ARHGEF10L: variants seen among roughly 807,000 people sequenced by gnomAD.
The protein encoded by ARHGEF10L is rho guanine nucleotide exchange factor 10-like protein.
A neutral mutation model predicts 141.2 loss-of-function variants in ARHGEF10L; 69 were observed. That is an observed-to-expected ratio of 0.49 (90% CI 0.40 to 0.60). ARHGEF10L has a LOEUF of 0.60. ARHGEF10L is among the 20% of genes least tolerant of loss of function. ARHGEF10L has a pLI of 0.00. For missense variants in ARHGEF10L, 1,482 were observed against 1,734.3 expected, an observed-to-expected ratio of 0.85 and a Z score of 2.58; for synonymous variants, 711 against 718.5, an observed-to-expected ratio of 0.99 and a Z score of 0.17.
At chr1:17,557,617 A>G (rs978685273) in intron 1 of ARHGEF10L, among the ~76,000 whole-genome samples, 5 of 152,184 alleles carry the variant, frequency 3.3e-5, no homozygotes, top group Non-Finnish European at 7.3e-5. Context: ...CGGAATCCCC[A>G]TGTTTGAAAA....
Position 17,656,004 on chromosome 1 carries a change from G to A in ARHGEF10L, c.2607G>A (p.Glu869=), listed in dbSNP as rs1411922477. 6.4e-7 allele frequency: 1 copy of A among 1,572,184 alleles called. No individual in the cohort carries two copies. The highest frequency in any genetic ancestry group is 1.3e-5 in the African/African-American group (1 of 74,272). The change falls in exon 24 of 29, where the codon GAG becomes GAA. Residue 869 remains glutamate, a synonymous_variant. Transcript: ENST00000361221. The surrounding 1 kb of genome is among the most constrained non-coding windows in gnomAD (Gnocchi z 4.9). The part of the protein sequence containing the change: ...APVLCMEYIP[E]LEEEAESRDE... ...TGCTCTGCATGGAGTATATCCCGGA[G>A]CTGGAGGAGGAGGCGGAGAGCAGAG...
intron 8 of ARHGEF10L, 140 bp downstream of exon 8, chr1:17,613,314 C>T (rs1570915878): frequency 1.5e-6 from 1 of 661,674 alleles, no homozygotes; most frequent in Non-Finnish European, 2.7e-6. Context: ...GAGACCTGGA[C>T]CCTGGCCACC....
At chr1:17,686,669 G>A (rs2064628658) in intron 26 of ARHGEF10L, among the ~76,000 whole-genome samples, 1 of 152,214 alleles carries the variant, frequency 6.6e-6, no homozygotes. Flanking sequence ...TTGAGCATTG[G>A]CTGGCCTGAA....
Position 17,637,995 on chromosome 1 carries a change from A to G in ARHGEF10L, c.2035A>G (p.Thr679Ala), listed in dbSNP as rs779328139. ...GCTTCTCATCAGCACGCTGCACGGC[A>G]CCTACCAGGTACGTGGCCTGGCCTG... ...ITLLISTLHG[T>A]YQNLNMTVAQ... Residue 679 changes from threonine (T) to alanine (A), a missense_variant, in exon 19 of 29, where the codon ACC becomes GCC. By Grantham distance (58) the Thr-to-Ala change is moderately conservative. Transcript: ENST00000361221. 10 of 1,585,066 alleles carry G rather than the reference A, an allele frequency of 6.3e-6. No homozygotes were observed.
At chr1:17,533,002 GC>G in the ARHGEF10L span, among the ~76,000 whole-genome samples, 1 of 152,122 alleles carries the variant, frequency 6.6e-6, no homozygotes, top group Non-Finnish European at 1.5e-5. Context: ...ACTCAGGAAT[GC>G]CCCCTTCATC....
chr1:17,663,951 T>C (rs1297738218), intron 25 of ARHGEF10L, among the ~76,000 whole-genome samples: 1 of 152,202 alleles, frequency 6.6e-6, no homozygotes, highest in African/African-American at 2.4e-5. Context: ...GTTCCTTCCA[T>C]CTCAGCAGTT....
chr1:17,690,363 G>T (rs2065009698), intron 27 of ARHGEF10L, among the ~76,000 whole-genome samples: 1 of 152,242 alleles, frequency 6.6e-6, no homozygotes, highest in Non-Finnish European at 1.5e-5. Context: ...CGCAGGGCAG[G>T]TGTAGGTGTT....
At chr1:17,546,103 A>G (rs968232040) in intron 1 of ARHGEF10L, among the ~76,000 whole-genome samples, 1 of 152,150 alleles carries the variant, frequency 6.6e-6, no homozygotes, top group African/African-American at 2.4e-5. Flanking sequence ...AATCTGACAA[A>G]CCTCACCTGT....
At chr1:17,663,349 C>T (rs1442790529) in intron 25 of ARHGEF10L, among the ~76,000 whole-genome samples, 1 of 151,998 alleles carries the variant, frequency 6.6e-6, no homozygotes, top group Non-Finnish European at 1.5e-5. Flanking sequence ...GTCAGGAGTT[C>T]AAGACCAGCC....
intron 26 of ARHGEF10L, 84 bp from the exon 27 acceptor site, chr1:17,687,489 A>G (rs545925510): frequency 9.5e-6 from 14 of 1,481,398 alleles, no homozygotes; most frequent in East Asian, 9.3e-5. Context: ...GAATGTGAGA[A>G]TGGCTGGCCC....
chr1:17,691,698 A>G (rs1381633099), intron 27 of ARHGEF10L, among the ~76,000 whole-genome samples: 2 of 151,664 alleles, frequency 1.3e-5, no homozygotes, highest in Non-Finnish European at 2.9e-5. Context: ...GTGTATATAT[A>G]TTATATGTAT....
intron 27 of ARHGEF10L, 23 bp downstream of exon 27, chr1:17,687,770 G>A: frequency 6.4e-7 from 1 of 1,554,744 alleles, no homozygotes; most frequent in Non-Finnish European, 8.7e-7. Flanking sequence ...CGGGCACGGG[G>A]GAGCGGACAG....
chr1:17,522,900 C>T, the ARHGEF10L span, among the ~76,000 whole-genome samples: 1 of 152,024 alleles, frequency 6.6e-6, no homozygotes, highest in Non-Finnish European at 1.5e-5. Flanking sequence ...TGTCTTCTCC[C>T]TCTCCTAATG....
In ARHGEF10L at chr1:17,687,676, T is replaced by C; in HGVS notation, c.3113T>C (p.Leu1038Pro). The C allele has an allele frequency of 6.2e-7, 1 of 1,612,060 alleles. No homozygotes were observed. Among genetic ancestry groups the C allele is most frequent in the Non-Finnish European group, 8.5e-7 (1 of 1,179,412 alleles). Residue 1038 changes from leucine (L) to proline (P), a missense_variant, in exon 27 of 29, where the codon CTC becomes CCC. Physicochemically the swap from Leu to Pro is moderately conservative, Grantham distance 98 (BLOSUM62 -3). Transcript: ENST00000361221. ...TTCTCCTCCGGCACCTCCATCCGCC[T>C]CTTCCACACTGAGACCCTGGAGCAT... ...MAFSSGTSIR[L>P]FHTETLEHLQ...
intron 26 of ARHGEF10L, among the ~76,000 whole-genome samples, chr1:17,684,889 C>T (rs1451340866): frequency 6.6e-6 from 1 of 152,182 alleles, no homozygotes; most frequent in Admixed American, 6.5e-5. Flanking sequence ...GCCTCCCTTG[C>T]TACTCGCAGC....
At chr1:17,527,937 T>C in the ARHGEF10L span, among the ~76,000 whole-genome samples, 142,987 of 149,800 alleles carry the variant, frequency 0.95, 68,358 homozygotes, top group Middle Eastern at 0.98. Flanking sequence ...GGCATGATCT[T>C]GGCTCACTGC....
chr1:17,526,891 G>A, the ARHGEF10L span, among the ~76,000 whole-genome samples: 1 of 137,854 alleles, frequency 7.3e-6, no homozygotes, highest in Non-Finnish European at 1.6e-5. Context: ...ACAAGAGAGT[G>A]AGACCCTGTC....
chr1:17,673,404 A>G lies in ARHGEF10L; in HGVS notation c.3009+8809A>G, dbSNP rs2102305272. ...CAGTCCTTTTGGAACTTGGCAAGGA[A>G]CAAATAGAGCCATGGACATGGATCC... On this transcript the variant is annotated intron_variant, in intron 26 of 28. Coordinates refer to ENST00000361221, the MANE Select transcript of ARHGEF10L (RefSeq NM_018125.4). The surrounding 1 kb of genome is among the most constrained non-coding windows in gnomAD (Gnocchi z 4.1). Among the ~76,000 whole-genome samples, 1 of 152,270 alleles carries G rather than the reference A, an allele frequency of 6.6e-6. No homozygotes were observed. The highest frequency in any genetic ancestry group is 6.5e-5 in the Admixed American group (1 of 15,302).
chr1:17,640,816 T>C (rs1206486766), intron 21 of ARHGEF10L, among the ~76,000 whole-genome samples: 1 of 152,212 alleles, frequency 6.6e-6, no homozygotes. Flanking sequence ...ACCAAAGACC[T>C]CGTTACTATG....
Sources: gnomAD v4.1 joint callset for allele counts (sites outside exome capture counted in the v4.1 genomes callset) on GRCh38, gnomAD v4.1.1 for gene constraint, Gnocchi (gnomAD v3.1) non-coding constraint, MANE v1.5 for transcripts, NCBI Gene and HGNC (gene_info 2026-07-23, HGNC 2026-07-21) for gene names.